The following THSD7B variants were observed in gnomAD, a reference collection of about 807,000 sequenced individuals.
The protein encoded by THSD7B is thrombospondin type-1 domain-containing protein 7B.
In THSD7B, 138 loss-of-function variants were observed where a neutral mutation model predicts 213.6. The ratio of observed to expected loss-of-function variants is 0.65; its 90% CI spans 0.56 to 0.74. The LOEUF (loss-of-function observed/expected upper bound fraction) is 0.74. Among genes scored for constraint, THSD7B ranks in the 30% least tolerant of loss-of-function variants. The probability of loss-of-function intolerance (pLI) is 0.00; values close to 1 mark genes in which losing one functional copy is unlikely to be tolerated. For missense variants in THSD7B, 1,931 were observed against 1,991.5 expected, an observed-to-expected ratio of 0.97 and a Z score of 0.58; for synonymous variants, 742 against 687.0, an observed-to-expected ratio of 1.08 and a Z score of -1.25.
chr2:136,927,200 C>A (rs760827316), intron 2 of THSD7B, among the ~76,000 whole-genome samples: 6 of 150,044 alleles, frequency 4.0e-5, no homozygotes, highest in Non-Finnish European at 7.4e-5. Context: ...TTTTGCTTCT[C>A]CCTCCCACTG....
intron 12 of THSD7B, among the ~76,000 whole-genome samples, chr2:137,286,665 C>T (rs556797698): frequency 1.3e-5 from 2 of 151,526 alleles, no homozygotes; most frequent in African/African-American, 2.4e-5. Context: ...AGCAAAAAAA[C>T]AGAGATAGTC....
intron 12 of THSD7B, among the ~76,000 whole-genome samples, chr2:137,340,745 C>A (rs1489004554): frequency 6.6e-6 from 1 of 151,746 alleles, no homozygotes; most frequent in East Asian, 1.9e-4. Context: ...CATATGATTG[C>A]AAATGACAGA....
intron 12 of THSD7B, among the ~76,000 whole-genome samples, chr2:137,404,866 A>AG (rs954275056): frequency 2.0e-5 from 3 of 151,916 alleles, no homozygotes; most frequent in African/African-American, 7.3e-5. Flanking sequence ...GAACAGTGGG[A>AG]GGGGGGTGAG....
intron 5 of THSD7B, among the ~76,000 whole-genome samples, chr2:137,136,316 G>A (rs1010445703): frequency 2.6e-5 from 4 of 152,254 alleles, no homozygotes; most frequent in Admixed American, 2.0e-4. Flanking sequence ...CCCTGAAAAT[G>A]AATTTGGAGG....
intron 15 of THSD7B, among the ~76,000 whole-genome samples, chr2:137,485,430 T>C (rs1373200655): frequency 6.6e-6 from 1 of 152,162 alleles, no homozygotes; most frequent in African/African-American, 2.4e-5. Context: ...TGTAGCTTTG[T>C]AGTATAGTTT....
chr2:137,442,321 C>T (rs1256957483), intron 14 of THSD7B, among the ~76,000 whole-genome samples: 7 of 152,102 alleles, frequency 4.6e-5, no homozygotes, highest in South Asian at 2.1e-4. Flanking sequence ...ACACCATATT[C>T]GCAAAATATT....
chr2:137,124,911 G>A (rs1688606171), intron 5 of THSD7B, among the ~76,000 whole-genome samples: 1 of 152,058 alleles, frequency 6.6e-6, no homozygotes, highest in Admixed American at 6.6e-5. Flanking sequence ...TATGCAACAT[G>A]TGATAAACTG....
At chr2:137,541,458 A>G (rs971814335) in intron 15 of THSD7B, among the ~76,000 whole-genome samples, 1 of 151,728 alleles carries the variant, frequency 6.6e-6, no homozygotes, top group Non-Finnish European at 1.5e-5. Context: ...CATGGGGTAC[A>G]TAGTGATGTT....
chr2:137,589,722 C>G lies in THSD7B; in HGVS notation c.3423+17166C>G, dbSNP rs187444235. 7.9e-5 allele frequency among the ~76,000 whole-genome samples: 12 copies of G among 152,082 alleles called. No individual in the cohort carries two copies. The East Asian group carries it at 2.3e-3, about 29-fold the overall frequency. ...CTCAAATAATAGATAAGCCTTTTTT[C>G]TAATGTGTACATGCAAGCGTGTAGA... On this transcript the variant is annotated intron_variant, in intron 17 of 27. Transcript: ENST00000409968.
intron 27 of THSD7B, 108 bp from the exon 28 acceptor site, chr2:137,676,416 C>A: frequency 9.9e-7 from 1 of 1,011,550 alleles, no homozygotes; most frequent in South Asian, 1.6e-5. Flanking sequence ...AGAAATGAAT[C>A]TTTTTGTCAT....
intron 15 of THSD7B, among the ~76,000 whole-genome samples, chr2:137,560,714 A>T (rs558694996): frequency 8.0e-5 from 12 of 150,912 alleles, no homozygotes; most frequent in South Asian, 2.1e-4. Context: ...GGTATAATAA[A>T]ATATATATAT....
intron 12 of THSD7B, among the ~76,000 whole-genome samples, chr2:137,350,758 A>G (rs889710461): frequency 6.6e-6 from 1 of 151,712 alleles, no homozygotes; most frequent in Non-Finnish European, 1.5e-5. Context: ...TCAGTGTGCT[A>G]GTGGAGATGG....
intron 20 of THSD7B, among the ~76,000 whole-genome samples, chr2:137,633,155 A>G (rs1240271242): frequency 6.6e-6 from 1 of 152,222 alleles, no homozygotes; most frequent in Non-Finnish European, 1.5e-5. Flanking sequence ...TAAATTTTGC[A>G]CTTAAAATAA....
intron 21 of THSD7B, among the ~76,000 whole-genome samples, chr2:137,643,827 G>A (rs1682981616): frequency 6.6e-6 from 1 of 152,102 alleles, no homozygotes; most frequent in Non-Finnish European, 1.5e-5. Context: ...ACAGAGAACT[G>A]ACAATGTCCA....
At chr2:136,772,189 C>A (rs553098462) in intron 1 of THSD7B, among the ~76,000 whole-genome samples, 1 of 151,972 alleles carries the variant, frequency 6.6e-6, no homozygotes, top group Admixed American at 6.6e-5. Flanking sequence ...ATCCAAAGCC[C>A]GAGGTTTTAC....
chr2:136,766,244 G>A (rs771908731), intron 1 of THSD7B, among the ~76,000 whole-genome samples: 9 of 152,286 alleles, frequency 5.9e-5, no homozygotes, highest in Non-Finnish European at 1.2e-4. Context: ...AGCAAGCCAA[G>A]AAGTTTTGCA....
intron 14 of THSD7B, among the ~76,000 whole-genome samples, chr2:137,437,515 C>A (rs565792250): frequency 6.6e-6 from 1 of 152,226 alleles, no homozygotes; most frequent in South Asian, 2.1e-4. Context: ...AAATTATTAC[C>A]AGCTGTTGAG....
chr2:137,303,706 A>ATGTATATATTTT (rs1683666282), intron 12 of THSD7B, among the ~76,000 whole-genome samples: 1 of 122,166 alleles, frequency 8.2e-6, no homozygotes, highest in East Asian at 2.2e-4. Context: ...ATATATATTT[A>ATGTATATATTTT]TATATATATT....
intron 3 of THSD7B, among the ~76,000 whole-genome samples, chr2:137,059,672 G>A (rs958853046): frequency 4.0e-5 from 6 of 151,696 alleles, no homozygotes; most frequent in East Asian, 1.9e-4. Context: ...TTTGCAATAC[G>A]CATTTAAGTT....
Sources: allele counts gnomAD v4.1 joint callset (sites outside exome capture counted in the v4.1 genomes callset), GRCh38; gene constraint gnomAD v4.1.1; transcripts MANE v1.5; gene names NCBI Gene and HGNC (gene_info 2026-07-23, HGNC 2026-07-21).